Variants in CREB3L2 observed in about 807,000 individuals in gnomAD.
CREB3L2 encodes the protein cAMP responsive element binding protein 3 like 2, also known as cyclic AMP-responsive element-binding protein 3-like protein 2.
CREB3L2 carries 23 observed loss-of-function variants against 57.2 expected under a neutral mutation model. That is an observed-to-expected ratio of 0.40 (90% CI 0.29 to 0.57). CREB3L2 has a LOEUF of 0.57. Among genes scored for constraint, CREB3L2 ranks in the 20% least tolerant of loss-of-function variants. CREB3L2 has a pLI of 0.42. For synonymous variants in CREB3L2, 268 were observed against 265.1 expected (o/e 1.01, Z -0.11); for missense variants, 628 against 634.7 (o/e 0.99, Z 0.11).
At chr7:137,885,193 T>C (rs937609413) in intron 9 of CREB3L2, 72 bp from the exon 10 acceptor site, 1 of 1,546,518 alleles carries the variant, frequency 6.5e-7, no homozygotes, top group South Asian at 1.2e-5. Context: ...CACAGCTTTA[T>C]ACCCAGGGAC....
At chr7:137,976,458 G>C (rs1399562262) in intron 1 of CREB3L2, among the ~76,000 whole-genome samples, 1 of 152,016 alleles carries the variant, frequency 6.6e-6, no homozygotes, top group South Asian at 2.1e-4. Flanking sequence ...GGTTATGTTT[G>C]TTTTTTTCCC....
intron 1 of CREB3L2, among the ~76,000 whole-genome samples, chr7:137,982,879 A>C (rs895762702): frequency 6.6e-6 from 1 of 152,162 alleles, no homozygotes; most frequent in Non-Finnish European, 1.5e-5. Flanking sequence ...CTTCATTGGA[A>C]GAGGACATAG....
intron 8 of CREB3L2, among the ~76,000 whole-genome samples, chr7:137,895,137 T>G (rs753114500): frequency 6.6e-6 from 1 of 152,146 alleles, no homozygotes; most frequent in African/African-American, 2.4e-5. Context: ...CACAAACGCC[T>G]ACAACTAATG....
At chr7:137,961,190 A>G (rs958915373) in intron 1 of CREB3L2, among the ~76,000 whole-genome samples, 4 of 119,970 alleles carry the variant, frequency 3.3e-5, no homozygotes, top group Non-Finnish European at 6.5e-5. Flanking sequence ...TCCAAATTAT[A>G]AACTGGGGGG....
At chr7:137,906,218 T>G (rs1799890225) in intron 5 of CREB3L2, among the ~76,000 whole-genome samples, 1 of 152,232 alleles carries the variant, frequency 6.6e-6, no homozygotes, top group Admixed American at 6.5e-5. Context: ...GCAGCCCTGC[T>G]TTGTGCAAGA....
intron 2 of CREB3L2, among the ~76,000 whole-genome samples, chr7:137,920,124 C>A (rs955416878): frequency 7.2e-5 from 11 of 152,168 alleles, no homozygotes; most frequent in Admixed American, 2.6e-4. Context: ...TTCCTGGCTC[C>A]AGGTCTTCCT....
intron 8 of CREB3L2, among the ~76,000 whole-genome samples, chr7:137,898,356 C>G (rs555300163): frequency 6.6e-6 from 1 of 152,132 alleles, no homozygotes; most frequent in Non-Finnish European, 1.5e-5. Flanking sequence ...TGTAGAGGTT[C>G]CTCAAAATAT....
chr7:137,941,366 C>T (rs1800877100), intron 1 of CREB3L2, among the ~76,000 whole-genome samples: 1 of 152,188 alleles, frequency 6.6e-6, no homozygotes, highest in African/African-American at 2.4e-5. Flanking sequence ...AAGTGACTTC[C>T]CAGACATCCA....
chr7:137,976,008 C>T (rs1052105247), intron 1 of CREB3L2, among the ~76,000 whole-genome samples: 1 of 152,204 alleles, frequency 6.6e-6, no homozygotes, highest in Admixed American at 6.5e-5. Context: ...AGTCTGATCC[C>T]ATAAGTAAGA....
intron 1 of CREB3L2, among the ~76,000 whole-genome samples, chr7:137,989,431 AGTT>A (rs1283586025): frequency 0.018 from 1,227 of 66,364 alleles, 19 homozygotes; most frequent in African/African-American, 0.055. Flanking sequence ...GCTTTTCTCC[AGTT>A]TTTTTTTTTT....
intron 1 of CREB3L2, among the ~76,000 whole-genome samples, chr7:137,972,681 C>T (rs1394029916): frequency 1.3e-4 from 1 of 7,832 alleles, no homozygotes; most frequent in African/African-American, 4.0e-4. Flanking sequence ...ATCCCCGTCT[C>T]TACAAAAAAA....
chr7:137,948,530 A>G (rs1421191699), intron 1 of CREB3L2, among the ~76,000 whole-genome samples: 1 of 152,186 alleles, frequency 6.6e-6, no homozygotes, highest in Admixed American at 6.5e-5. Flanking sequence ...TCTCACTATT[A>G]GACTGTTTAC....
Position 137,882,587 on chromosome 7 carries a change from G to A in CREB3L2, c.1312C>T (p.Pro438Ser), listed in dbSNP as rs376688758. The part of the protein sequence containing the change: ...NLLIYEEHSP[P>S]EESSSPGSAG... ...GAGCCCGGGCTGGATGACTCCTCTG[G>A]GGGAGAATGTTCCTCGTAGATCAGC... is the stretch of plus-strand genomic sequence containing the variant. Residue 438 changes from proline (P) to serine (S), a missense_variant, in exon 11 of 12, where the codon CCA becomes TCA. This residue lies in a region of CREB3L2 where 272 missense variants were observed against 242.7 expected (regional missense o/e 1.12). Transcript: ENST00000330387. 3.1e-6 allele frequency: 5 copies of A among 1,611,828 alleles called. No individual in the cohort carries two copies. The highest frequency in any genetic ancestry group is 4.2e-6 in the Non-Finnish European group (5 of 1,178,348).
chr7:137,912,375 CAAAAA>C, intron 4 of CREB3L2, among the ~76,000 whole-genome samples: 1 of 69,810 alleles, frequency 1.4e-5, no homozygotes, highest in African/African-American at 4.6e-5. Context: ...GACTCTGTCT[CAAAAA>C]AAAAAAAAAA....
intron 1 of CREB3L2, among the ~76,000 whole-genome samples, chr7:137,989,416 T>C (rs530050369): frequency 1.8e-4 from 27 of 147,380 alleles, no homozygotes; most frequent in South Asian, 6.5e-4. Context: ...GATGGAATTT[T>C]CCTGGCTTTT....
chr7:137,911,839 C>T (rs1417516771), intron 4 of CREB3L2, among the ~76,000 whole-genome samples: 1 of 151,924 alleles, frequency 6.6e-6, no homozygotes, highest in African/African-American at 2.4e-5. Flanking sequence ...CCCTGTTTCA[C>T]ACACAAAAAA....
chr7:137,971,919 T>C (rs1270313255), intron 1 of CREB3L2, among the ~76,000 whole-genome samples: 1 of 145,000 alleles, frequency 6.9e-6, no homozygotes, highest in East Asian at 1.9e-4. Flanking sequence ...ATTCTTTCAT[T>C]TGTTCACTTC....
intron 1 of CREB3L2, among the ~76,000 whole-genome samples, chr7:137,982,031 C>A (rs1488879306): frequency 6.6e-6 from 1 of 152,012 alleles, no homozygotes; most frequent in Non-Finnish European, 1.5e-5. Context: ...GATGGGGCTG[C>A]ACAATGAGGT....
rs376238804 is a variant in CREB3L2 at position 137,939,783 on chromosome 7, C to A, written c.103-11417G>T. 2.6e-5 allele frequency among the ~76,000 whole-genome samples: 4 copies of A among 152,314 alleles called. No homozygotes were observed. The East Asian group carries it at 7.7e-4, about 29-fold the overall frequency. Reference sequence around the variant, plus strand: ...AATTCTTCCCTCTCCCTTTTCTCCACTTCTATCCCCGAGTCTAGACTCTAC... The same window carrying A: ...AATTCTTCCCTCTCCCTTTTCTCCAATTCTATCCCCGAGTCTAGACTCTAC... On this transcript the variant is annotated intron_variant, in intron 1 of 11. Transcript: ENST00000330387.
Sources: gnomAD v4.1 joint callset for allele counts (sites outside exome capture counted in the v4.1 genomes callset) on GRCh38, gnomAD v4.1.1 for gene constraint, gnomAD v4.1.1 regional missense constraint, MANE v1.5 for transcripts, NCBI Gene and HGNC (gene_info 2026-07-23, HGNC 2026-07-21) for gene names.